The following PIK3CB variants were observed in gnomAD, a reference collection of about 807,000 sequenced individuals.
PIK3CB encodes the protein phosphatidylinositol 4,5-bisphosphate 3-kinase catalytic subunit beta isoform.
A neutral mutation model predicts 136.8 loss-of-function variants in PIK3CB; 39 were observed. The ratio of observed to expected loss-of-function variants is 0.29; its 90% CI spans 0.22 to 0.37. The LOEUF is 0.37. Ranked by LOEUF, PIK3CB falls within the 10% of genes least tolerant of loss-of-function variation. PIK3CB has a pLI of 1.00. For missense variants in PIK3CB, 868 were observed against 1,275.4 expected, an observed-to-expected ratio of 0.68 and a Z score of 4.87; for synonymous variants, 428 against 436.6, an observed-to-expected ratio of 0.98 and a Z score of 0.25.
At position 138,717,219 on chromosome 3, in the gene PIK3CB, A is replaced by G. The variant is rs180935540; in HGVS notation, c.1051-2500T>C. Among the ~76,000 whole-genome samples the G allele has an allele frequency of 2.7e-5, 4 of 149,974 alleles. No individual in the cohort carries two copies. In the East Asian group the frequency reaches 7.9e-4, roughly 30 times the overall value. On this transcript the variant is annotated intron_variant, in intron 8 of 23. Coordinates refer to ENST00000674063, the MANE Select transcript of PIK3CB (RefSeq NM_006219.3). Reference sequence around the variant, plus strand: ...CAGTGAGCCAAGATTGTGCCACTGCACTCCAGTCTGGGCAACAGAGTGAGA... The same window carrying G: ...CAGTGAGCCAAGATTGTGCCACTGCGCTCCAGTCTGGGCAACAGAGTGAGA...
chr3:138,799,007 A>G (rs1472433517), intron 1 of PIK3CB, among the ~76,000 whole-genome samples: 5 of 151,902 alleles, frequency 3.3e-5, no homozygotes, highest in Non-Finnish European at 7.4e-5. Context: ...GGATCACTTG[A>G]GCCCATAAGT....
At chr3:138,834,472 G>A (rs1428834056) in intron 1 of PIK3CB, among the ~76,000 whole-genome samples, 1 of 152,054 alleles carries the variant, frequency 6.6e-6, no homozygotes, top group Non-Finnish European at 1.5e-5. Context: ...ACTCACCTTG[G>A]AGAGCCCAGG....
intron 22 of PIK3CB, among the ~76,000 whole-genome samples, chr3:138,656,592 A>G (rs2043196113): frequency 6.6e-6 from 1 of 152,212 alleles, no homozygotes; most frequent in South Asian, 2.1e-4. Flanking sequence ...CTGATTATTA[A>G]ATCAGTTATA....
At chr3:138,772,633 A>AT (rs142422129) in intron 2 of PIK3CB, among the ~76,000 whole-genome samples, 1,810 of 123,196 alleles carry the variant, frequency 0.015, 26 homozygotes, top group African/African-American at 0.024. Context: ...CATTCTTTTG[A>AT]TTTTTTTTTT....
intron 2 of PIK3CB, among the ~76,000 whole-genome samples, chr3:138,766,341 TA>T (rs2045732087): frequency 6.6e-6 from 1 of 152,188 alleles, no homozygotes; most frequent in East Asian, 1.9e-4. Context: ...ATAAAGAAAA[TA>T]AAAAACTCAT....
intron 4 of PIK3CB, among the ~76,000 whole-genome samples, chr3:138,750,565 GCTCAC>G (rs767905317): frequency 2.0e-5 from 3 of 152,176 alleles, no homozygotes; most frequent in Non-Finnish European, 4.4e-5. Context: ...CCAACCTGCT[GCTCAC>G]CTCCTGCTGT....
At chr3:138,768,138 C>G (rs930180202) in intron 2 of PIK3CB, among the ~76,000 whole-genome samples, 2 of 151,922 alleles carry the variant, frequency 1.3e-5, no homozygotes, top group Non-Finnish European at 2.9e-5. Context: ...AGCTCTTCAG[C>G]AGACAGGAGG....
intron 18 of PIK3CB, 30 bp from the exon 19 acceptor site, chr3:138,682,075 G>C (rs760224635): frequency 6.9e-7 from 1 of 1,448,518 alleles, no homozygotes; most frequent in African/African-American, 1.4e-5. Flanking sequence ...TTCATTACAA[G>C]TGCTTTTCCT....
intron 4 of PIK3CB, among the ~76,000 whole-genome samples, chr3:138,745,924 C>T (rs1447606560): frequency 6.6e-6 from 1 of 151,922 alleles, no homozygotes; most frequent in Non-Finnish European, 1.5e-5. Context: ...TTTTTTTTCT[C>T]CAGAATTGGG....
At chr3:138,788,997 A>AAAAAAAAAAAAAAAAAAAC (rs1559879235) in intron 2 of PIK3CB, among the ~76,000 whole-genome samples, 1 of 150,090 alleles carries the variant, frequency 6.7e-6, no homozygotes, top group African/African-American at 2.5e-5. Flanking sequence ...AAAAAACAAA[A>AAAAAAAAAAAAAAAAAAAC]AACAACACCA....
At chr3:138,771,830 C>T (rs1249332323) in intron 2 of PIK3CB, among the ~76,000 whole-genome samples, 3 of 150,566 alleles carry the variant, frequency 2.0e-5, no homozygotes, top group Non-Finnish European at 4.4e-5. Context: ...GGAGGAGGAT[C>T]TCTTTCTCTT....
At chr3:138,736,982 C>T (rs549934684) in intron 6 of PIK3CB, among the ~76,000 whole-genome samples, 1 of 152,040 alleles carries the variant, frequency 6.6e-6, no homozygotes, top group Non-Finnish European at 1.5e-5. Context: ...TACTTTACCT[C>T]CCCCAGAATA....
At chr3:138,711,208 T>C (rs2044489750) in intron 10 of PIK3CB, among the ~76,000 whole-genome samples, 1 of 134,828 alleles carries the variant, frequency 7.4e-6, no homozygotes, top group Non-Finnish European at 1.6e-5. Context: ...CTTAGGAGAA[T>C]TTCTCAAAAA....
At chr3:138,810,750 C>T (rs1051101875) in intron 1 of PIK3CB, among the ~76,000 whole-genome samples, 3 of 151,774 alleles carry the variant, frequency 2.0e-5, no homozygotes, top group Admixed American at 1.3e-4. Flanking sequence ...AACCCCAGCT[C>T]TACTAAAAAC....
chr3:138,772,783 C>CTTTTTT (rs776881626), intron 2 of PIK3CB, among the ~76,000 whole-genome samples: 3 of 112,216 alleles, frequency 2.7e-5, no homozygotes, highest in East Asian at 3.0e-4. Context: ...TATTTATTCT[C>CTTTTTT]TTTTTTTTTT....
chr3:138,808,409 T>A (rs1346463611), intron 1 of PIK3CB, among the ~76,000 whole-genome samples: 1 of 152,056 alleles, frequency 6.6e-6, no homozygotes, highest in East Asian at 1.9e-4. Flanking sequence ...GGCAGGAAGA[T>A]CATTTGAGCC....
chr3:138,733,445 A>C lies in PIK3CB; in HGVS notation c.973-7T>G. On this transcript the variant is annotated splice_region_variant and splice_polypyrimidine_tract_variant and intron_variant, in intron 7 of 23. Transcript: ENST00000674063. ...TGTTATTTTCCCAAACATGCTGTAA[A>C]AGAATAAAATAAATACAAATTATTT... The C allele has an allele frequency of 7.2e-7, 1 of 1,383,600 alleles. No individual in the cohort carries two copies. Among genetic ancestry groups the C allele is most frequent in the Non-Finnish European group, 1.0e-6 (1 of 978,162 alleles). The allele number at this position is 1,383,600 out of a possible 1,614,324, so 85.7% of individuals were successfully genotyped here. A position where few individuals can be genotyped will look rare whatever the true frequency, so the allele number is the denominator to read the frequency against.
rs761165974 is a variant in PIK3CB at position 138,664,023 on chromosome 3, G to A, written c.2679C>T (p.Asp893=). The change falls in exon 21 of 24, where the codon GAC becomes GAT. Residue 893 remains aspartate, a synonymous_variant. Transcript: ENST00000674063. Reference sequence around the variant, plus strand: ...TAAATTCCTCAATGGCTCGGTCCAGGTCATCCCTGAACAAGAGAAAAGAAC... The same window carrying A: ...TAAATTCCTCAATGGCTCGGTCCAGATCATCCCTGAACAAGAGAAAAGAAC... ...NWLKEYNSGD[D]LDRAIEEFTL... The A allele has an allele frequency of 8.1e-6, 13 of 1,613,306 alleles. No homozygotes were observed. The African/African-American group carries it at 1.7e-4, about 22-fold the overall frequency.
chr3:138,718,414 T>C (rs773529230), intron 8 of PIK3CB, among the ~76,000 whole-genome samples: 12 of 152,336 alleles, frequency 7.9e-5, no homozygotes, highest in South Asian at 2.1e-4. Context: ...AGATACTGGC[T>C]AATAGATCTT....
Sources: allele counts gnomAD v4.1 joint callset (sites outside exome capture counted in the v4.1 genomes callset), GRCh38; gene constraint gnomAD v4.1.1; transcripts MANE v1.5; gene names NCBI Gene and HGNC (gene_info 2026-07-23, HGNC 2026-07-21).